The following VSIG10 variants were observed in gnomAD, a reference collection of about 807,000 sequenced individuals.
VSIG10 encodes V-set and immunoglobulin domain containing 10.
A neutral mutation model predicts 58.7 loss-of-function variants in VSIG10; 48 were observed. That is an observed-to-expected ratio of 0.82 (90% CI 0.65 to 1.04). VSIG10 has a LOEUF of 1.04. VSIG10 is among the 50% of genes least tolerant of loss of function. VSIG10 has a pLI of 0.00. For missense variants in VSIG10, 628 were observed against 670.0 expected (o/e 0.94, Z 0.69); for synonymous variants, 260 against 267.1 (o/e 0.97, Z 0.26).
rs2032195962 is a variant in VSIG10 at position 118,064,866 on chromosome 12, T to C, written c.*1773A>G. 1 of 152,208 alleles carries C rather than the reference T, an allele frequency of 6.6e-6. No individual in the cohort carries two copies. Among genetic ancestry groups the C allele is most frequent in the African/African-American group, 2.4e-5 (1 of 41,424 alleles). 9.4% of individuals were successfully genotyped at this position (152,208 alleles called of 1,614,324 possible). ...GTTACTTCAGACAACCAGCTTCTCA[T>C]TTTAGAGTCCCAGTTCCTAGAATTG... is the stretch of plus-strand genomic sequence containing the variant. On this transcript the variant is annotated 3_prime_UTR_variant, in exon 9 of 9. Coordinates refer to ENST00000359236, the MANE Select transcript of VSIG10 (RefSeq NM_019086.6).
At chr12:118,088,745 A>G (rs1175324745) in intron 2 of VSIG10, among the ~76,000 whole-genome samples, 1 of 152,030 alleles carries the variant, frequency 6.6e-6, no homozygotes, top group Admixed American at 6.6e-5. Flanking sequence ...CCAACCCCAG[A>G]CGGCTCTGGT....
At chr12:118,071,219 C>T in intron 6 of VSIG10, 140 bp downstream of exon 6, 1 of 1,186,500 alleles carries the variant, frequency 8.4e-7, no homozygotes, top group Non-Finnish European at 1.2e-6. Flanking sequence ...ACTTAGGTGA[C>T]TTATTACTGT....
intron 3 of VSIG10, 67 bp from the exon 4 acceptor site, chr12:118,079,673 T>G: frequency 4.4e-6 from 7 of 1,579,040 alleles, no homozygotes; most frequent in Non-Finnish European, 6.0e-6. Context: ...GGACTGGCTC[T>G]AAGGATGGCA....
chr12:118,067,497 T>G (rs2032295714), intron 8 of VSIG10, among the ~76,000 whole-genome samples: 2 of 138,962 alleles, frequency 1.4e-5, no homozygotes, highest in African/African-American at 5.5e-5. Context: ...AGAGTCTCAC[T>G]CTGTCACCCA....
At chr12:118,067,571 C>T (rs1236462474) in intron 8 of VSIG10, among the ~76,000 whole-genome samples, 1 of 150,378 alleles carries the variant, frequency 6.6e-6, no homozygotes, top group Non-Finnish European at 1.5e-5. Context: ...TCAAGTGATT[C>T]TCCTGCCTTG....
rs1454558867 is a variant in VSIG10, at chr12:118,071,389, A to G, written c.1300T>C (p.Leu434=). ...LGLAIISGLL[L]HYSPVFCWKV... ...CAGCAGAACACAGGGCTATAATGCA[A>G]CAGAAGCCCTGAGATAATGGCCAGT... The change falls in exon 6 of 9, where the codon TTG becomes CTG. Residue 434 remains leucine (L), a synonymous_variant. Transcript: ENST00000359236. The G allele has an allele frequency of 6.2e-7, 1 of 1,613,786 alleles. No homozygotes were observed. Among genetic ancestry groups the G allele is most frequent in the East Asian group, 2.2e-5 (1 of 44,870 alleles).
chr12:118,085,543 G>C (rs2033096672), intron 2 of VSIG10, among the ~76,000 whole-genome samples: 1 of 152,200 alleles, frequency 6.6e-6, no homozygotes, highest in African/African-American at 2.4e-5. Context: ...GCATATATAA[G>C]AGACAATATC....
chr12:118,090,870 C>G (rs1356761493), intron 2 of VSIG10, among the ~76,000 whole-genome samples: 1 of 152,082 alleles, frequency 6.6e-6, no homozygotes, highest in Non-Finnish European at 1.5e-5. Flanking sequence ...TGCAGTGGTT[C>G]ATGTCTGTAA....
intron 2 of VSIG10, among the ~76,000 whole-genome samples, chr12:118,090,920 T>C (rs879763600): frequency 3.3e-5 from 5 of 151,974 alleles, no homozygotes; most frequent in Admixed American, 1.3e-4. Flanking sequence ...GGATCACTTG[T>C]GGTCAAGAGT....
intron 2 of VSIG10, 54 bp downstream of exon 2, chr12:118,095,479 C>T (rs1399370668): frequency 1.8e-5 from 29 of 1,598,994 alleles, no homozygotes; most frequent in Non-Finnish European, 2.0e-5. Flanking sequence ...TGGTCTCCTC[C>T]TTTCCAAGGC....
intron 1 of VSIG10, among the ~76,000 whole-genome samples, chr12:118,100,506 A>G (rs1323872959): frequency 1.3e-5 from 2 of 152,016 alleles, no homozygotes; most frequent in Non-Finnish European, 2.9e-5. Flanking sequence ...CAAAAAAAAA[A>G]GCAGATAAGA....
intron 1 of VSIG10, among the ~76,000 whole-genome samples, chr12:118,098,984 C>T (rs2033551959): frequency 6.6e-6 from 1 of 150,936 alleles, no homozygotes; most frequent in East Asian, 2.0e-4. Flanking sequence ...AAGTGATCCT[C>T]CCACCTCAGC....
intron 4 of VSIG10, among the ~76,000 whole-genome samples, chr12:118,076,871 C>A (rs1416376325): frequency 6.6e-6 from 1 of 152,100 alleles, no homozygotes; most frequent in Non-Finnish European, 1.5e-5. Context: ...GTTGCCCAGG[C>A]TGGTCTCGAA....
chr12:118,090,866 G>C (rs1208968589), intron 2 of VSIG10, among the ~76,000 whole-genome samples: 2 of 152,100 alleles, frequency 1.3e-5, no homozygotes, highest in Non-Finnish European at 1.5e-5. Context: ...CAGATGCAGT[G>C]GTTCATGTCT....
intron 4 of VSIG10, among the ~76,000 whole-genome samples, chr12:118,077,987 A>G (rs1593506686): frequency 6.6e-6 from 1 of 152,118 alleles, no homozygotes; most frequent in East Asian, 1.9e-4. Context: ...TTAAGCCACT[A>G]TGTTTGAGAG....
At chr12:118,074,404 T>A (rs1037420834) in intron 4 of VSIG10, among the ~76,000 whole-genome samples, 6 of 151,824 alleles carry the variant, frequency 4.0e-5, no homozygotes, top group African/African-American at 1.5e-4. Flanking sequence ...TTATCTGTGA[T>A]TTCACTTTCT....
chr12:118,071,466 G>A lies in VSIG10; in HGVS notation c.1223C>T (p.Pro408Leu). Reference sequence around the variant, plus strand: ...TCCCACAATCCCCCCGATATTTAAAGGTTCTGTAAAGACAAATCACACCAT... The same window carrying A: ...TCCCACAATCCCCCCGATATTTAAAAGTTCTGTAAAGACAAATCACACCAT... ...EMEIWLSVKEPLNIGGIVGTI... is the reference protein window; with the variant it reads ...EMEIWLSVKELLNIGGIVGTI... The change falls in exon 6 of 9, where the codon CCT becomes CTT. Residue 408 changes from proline to leucine, a missense_variant. Coordinates refer to ENST00000359236, the MANE Select transcript of VSIG10 (RefSeq NM_019086.6). 1 of 1,613,654 alleles carries A rather than the reference G, an allele frequency of 6.2e-7. No homozygotes were observed. The highest frequency in any genetic ancestry group is 8.5e-7 in the Non-Finnish European group (1 of 1,179,632).
rs1329074282 is a variant in VSIG10, at chr12:118,071,055, G to A, written c.1343C>T (p.Ser448Phe). 1 of 1,601,198 alleles carries A rather than the reference G, an allele frequency of 6.2e-7. No homozygotes were observed. Among genetic ancestry groups the A allele is most frequent in the Non-Finnish European group, 8.5e-7 (1 of 1,173,584 alleles). ...PVFCWKVGNT[S>F]RGQNMDDVMV... ...TTTGATTCTAGGGAACACTCACCTGGAAGTGTTTCCTACTGAAGAGAGAAA... is the reference window on the plus strand; with the variant it reads ...TTTGATTCTAGGGAACACTCACCTGAAAGTGTTTCCTACTGAAGAGAGAAA... Residue 448 changes from serine to phenylalanine, a missense_variant, in exon 7 of 9, where the codon TCC becomes TTC. By Grantham distance (155) the Ser-to-Phe change is radical. Transcript: ENST00000359236.
chr12:118,083,850 G>A (rs951721026), intron 2 of VSIG10, among the ~76,000 whole-genome samples: 3 of 151,926 alleles, frequency 2.0e-5, no homozygotes, highest in South Asian at 2.1e-4. Flanking sequence ...GGCCAGGGAC[G>A]GTGGCTCATG....
Sources: gnomAD v4.1 joint callset for allele counts (sites outside exome capture counted in the v4.1 genomes callset) on GRCh38, gnomAD v4.1.1 for gene constraint, MANE v1.5 for transcripts, NCBI Gene and HGNC (gene_info 2026-07-23, HGNC 2026-07-21) for gene names.